MYO1B: variants seen among roughly 807,000 people sequenced by gnomAD.
MYO1B encodes the protein myosin IB.
Under a neutral mutation model 159.7 loss-of-function variants are expected in MYO1B, and 72 were observed. That is an observed-to-expected ratio of 0.45 (90% confidence interval 0.37 to 0.55). MYO1B has a LOEUF of 0.55. MYO1B is among the 20% of genes least tolerant of loss of function. The probability of loss-of-function intolerance (pLI) is 0.00; values close to 1 mark genes in which losing one functional copy is unlikely to be tolerated. For synonymous variants in MYO1B, 468 were observed against 473.8 expected (o/e 0.99, Z 0.16); for missense variants, 1,062 against 1,364.8 (o/e 0.78, Z 3.50).
At chr2:191,349,873 T>C (rs1012416178) in intron 6 of MYO1B, among the ~76,000 whole-genome samples, 12 of 152,216 alleles carry the variant, frequency 7.9e-5, no homozygotes, top group Admixed American at 2.0e-4. Context: ...TGAGTACATA[T>C]CCTCCAGAAG....
intron 6 of MYO1B, among the ~76,000 whole-genome samples, chr2:191,347,432 T>C (rs1692637900): frequency 6.6e-6 from 1 of 152,238 alleles, no homozygotes; most frequent in South Asian, 2.1e-4. Flanking sequence ...GTAATTCTAA[T>C]GACCAAGCTT....
chr2:191,248,239 C>G (rs116491255), intron 1 of MYO1B, among the ~76,000 whole-genome samples: 1,790 of 152,246 alleles, frequency 0.012, 43 homozygotes, highest in African/African-American at 0.04. Context: ...ATCACAACAA[C>G]TTGATAAAGT....
At chr2:191,335,984 ATTTTTAGG>A (rs1480315655) in intron 4 of MYO1B, among the ~76,000 whole-genome samples, 1 of 152,104 alleles carries the variant, frequency 6.6e-6, no homozygotes, top group African/African-American at 2.4e-5. Flanking sequence ...GTGCCCATGT[ATTTTTAGG>A]CATTGAACTC....
At position 191,425,291 on chromosome 2, in the gene MYO1B, C is replaced by T. The variant is rs1698152759; in HGVS notation, c.*1331C>T. 6.6e-6 allele frequency: 1 copy of T among 152,088 alleles called. No homozygotes were observed. The highest frequency in any genetic ancestry group is 2.4e-5 in the African/African-American group (1 of 41,422). 9.4% of individuals were successfully genotyped at this position (152,088 alleles called of 1,614,324 possible). A position where few individuals can be genotyped will look rare whatever the true frequency, so the allele number is the denominator to read the frequency against. On this transcript the variant is annotated 3_prime_UTR_variant, in exon 31 of 31. Transcript: ENST00000392318. Reference sequence around the variant, plus strand: ...CTCTGTGTAACTGAATTTCACTTATCTTTTATAAACCAGAAACATTAATTG... The same window carrying T: ...CTCTGTGTAACTGAATTTCACTTATTTTTTATAAACCAGAAACATTAATTG...
chr2:191,407,989 C>G lies in MYO1B; in HGVS notation c.2557-126C>G, dbSNP rs1697031042. 3 of 521,754 alleles carry G rather than the reference C, an allele frequency of 5.7e-6. No homozygotes were observed. In the African/African-American group the frequency reaches 5.8e-5, roughly 10 times the overall value. The allele number at this position is 521,754 out of a possible 1,614,324, so 32.3% of individuals were successfully genotyped here. A position where few individuals can be genotyped will look rare whatever the true frequency, so the allele number is the denominator to read the frequency against. ...ATATGAATGTGTTTCAATTATTTTA[C>G]TAAATCTAGAAAGGACACTTATAAA... On this transcript the variant is annotated intron_variant, in intron 24 of 30. Transcript: ENST00000392318.
intron 20 of MYO1B, among the ~76,000 whole-genome samples, chr2:191,395,637 G>C (rs185399182): frequency 6.6e-6 from 1 of 152,234 alleles, no homozygotes; most frequent in Non-Finnish European, 1.5e-5. Flanking sequence ...ACTCCAGGGC[G>C]TCAGCCCTAG....
intron 13 of MYO1B, among the ~76,000 whole-genome samples, chr2:191,378,221 A>G (rs926778647): frequency 3.9e-5 from 6 of 152,164 alleles, no homozygotes; most frequent in East Asian, 3.9e-4. Context: ...TGATCTGCCA[A>G]CCACCACTGC....
rs1309148345 is a variant in MYO1B at position 191,346,352 on chromosome 2, T to TG, written c.498+71dup. ...CATGTATGTTTAAACAACCAGTAGA[T>TG]GTTTAATATTTCTTAATACACACAT... On this transcript the variant is annotated intron_variant, in intron 6 of 30. Coordinates refer to ENST00000392318, the MANE Select transcript of MYO1B (RefSeq NM_001130158.3). 4 of 1,049,178 alleles carry TG rather than the reference T, an allele frequency of 3.8e-6. No individual in the cohort carries two copies. The Admixed American group carries it at 1.1e-4, about 28-fold the overall frequency. The allele number at this position is 1,049,178 out of a possible 1,614,324, so 65.0% of individuals were successfully genotyped here. A position where few individuals can be genotyped will look rare whatever the true frequency, so the allele number is the denominator to read the frequency against.
intron 3 of MYO1B, among the ~76,000 whole-genome samples, chr2:191,299,347 G>C (rs534511449): frequency 1.3e-5 from 2 of 152,294 alleles, no homozygotes; most frequent in East Asian, 3.9e-4. Context: ...GCAAAGTACA[G>C]TTTTACTAAT....
intron 13 of MYO1B, chr2:191,381,152 G>A: frequency 2.6e-6 from 1 of 382,624 alleles, no homozygotes; most frequent in Non-Finnish European, 5.0e-6. Flanking sequence ...CTGTGTCTTT[G>A]CTGATCCTTC....
intron 30 of MYO1B, among the ~76,000 whole-genome samples, chr2:191,417,183 C>G (rs1697631210): frequency 6.6e-6 from 1 of 152,150 alleles, no homozygotes. Context: ...ATTTCTGCCC[C>G]TTTGTAAGTC....
chr2:191,252,428 T>G (rs1246006185), intron 1 of MYO1B, among the ~76,000 whole-genome samples: 1 of 152,254 alleles, frequency 6.6e-6, no homozygotes, highest in Non-Finnish European at 1.5e-5. Context: ...GTCTCTTGAG[T>G]ATCTGTAATT....
chr2:191,329,473 C>T (rs1295540446), intron 3 of MYO1B, among the ~76,000 whole-genome samples: 2 of 151,774 alleles, frequency 1.3e-5, no homozygotes, highest in Non-Finnish European at 1.5e-5. Context: ...AAAATCTCAA[C>T]GTTATCCAAT....
intron 3 of MYO1B, among the ~76,000 whole-genome samples, chr2:191,307,206 C>T (rs1052813053): frequency 7.9e-5 from 12 of 151,290 alleles, no homozygotes; most frequent in African/African-American, 2.7e-4. Context: ...AAGGGATGGG[C>T]AATTCCTGGA....
intron 1 of MYO1B, among the ~76,000 whole-genome samples, chr2:191,268,349 CA>C (rs1356223667): frequency 2.0e-5 from 3 of 152,086 alleles, no homozygotes; most frequent in African/African-American, 7.2e-5. Flanking sequence ...ATAAGGACAC[CA>C]ATCTCTTCAT....
At chr2:191,341,052 G>T (rs1173112976) in intron 4 of MYO1B, among the ~76,000 whole-genome samples, 3 of 152,038 alleles carry the variant, frequency 2.0e-5, no homozygotes, top group African/African-American at 7.2e-5. Flanking sequence ...TTGTGATTTG[G>T]AACATATCTT....
intron 3 of MYO1B, among the ~76,000 whole-genome samples, chr2:191,329,099 A>G (rs531594200): frequency 6.6e-6 from 1 of 152,164 alleles, no homozygotes; most frequent in African/African-American, 2.4e-5. Context: ...GACTTTACCT[A>G]TTTTAAATAC....
chr2:191,274,205 A>C (rs1687620168), intron 1 of MYO1B, among the ~76,000 whole-genome samples: 1 of 152,156 alleles, frequency 6.6e-6, no homozygotes, highest in African/African-American at 2.4e-5. Context: ...GGCTTGCTTT[A>C]TTGTATTTTG....
At chr2:191,397,364 G>A (rs1226613169) in intron 21 of MYO1B, among the ~76,000 whole-genome samples, 2 of 145,080 alleles carry the variant, frequency 1.4e-5, no homozygotes, top group Admixed American at 6.8e-5. Context: ...TGTGTCCCTG[G>A]GTACTTAAGA....
Sources: gnomAD v4.1 joint callset for allele counts (sites outside exome capture counted in the v4.1 genomes callset) on GRCh38, gnomAD v4.1.1 for gene constraint, MANE v1.5 for transcripts, NCBI Gene and HGNC (gene_info 2026-07-23, HGNC 2026-07-21) for gene names.